Variants in PTPN2 observed in about 807,000 individuals in gnomAD.
PTPN2 encodes the protein tyrosine-protein phosphatase non-receptor type 2.
Under a neutral mutation model 57.3 loss-of-function variants are expected in PTPN2, and 19 were observed. The ratio of observed to expected loss-of-function variants is 0.33; its 90% CI spans 0.23 to 0.49. PTPN2 has a LOEUF of 0.49. PTPN2 is among the 20% of genes least tolerant of loss of function. PTPN2 has a pLI of 0.99. For synonymous variants in PTPN2, 153 were observed against 164.9 expected (o/e 0.93, Z 0.55); for missense variants, 358 against 501.1 (o/e 0.71, Z 2.73).
At chr18:12,801,923 A>G (rs777688401) in intron 8 of PTPN2, 47 bp downstream of exon 8, 1 of 1,490,544 alleles carries the variant, frequency 6.7e-7, no homozygotes, top group Non-Finnish European at 9.0e-7. Context: ...ATTTATTTTT[A>G]AAATAAAAAA....
chr18:12,875,179 T>G (rs28556789), intron 1 of PTPN2, among the ~76,000 whole-genome samples: 58 of 152,292 alleles, frequency 3.8e-4, no homozygotes, highest in African/African-American at 1.4e-3. Flanking sequence ...GCGGAAGGCC[T>G]CAGGGTCCTC....
At chr18:12,856,704 T>C (rs1329205227) in intron 2 of PTPN2, among the ~76,000 whole-genome samples, 1 of 152,186 alleles carries the variant, frequency 6.6e-6, no homozygotes, top group African/African-American at 2.4e-5. Flanking sequence ...ATGTATATAC[T>C]TGAGGATAAC....
chr18:12,834,722 AG>A (rs200763343), intron 3 of PTPN2, among the ~76,000 whole-genome samples: 113 of 143,106 alleles, frequency 7.9e-4, no homozygotes, highest in Middle Eastern at 3.7e-3. Context: ...AGACTGGAGG[AG>A]AAAAAAAAAA....
At chr18:12,818,752 GCTC>G (rs746650655) in intron 5 of PTPN2, among the ~76,000 whole-genome samples, 1 of 151,462 alleles carries the variant, frequency 6.6e-6, no homozygotes, top group African/African-American at 2.4e-5. Context: ...ATAATATCCT[GCTC>G]CCAATAAAAA....
intron 1 of PTPN2, chr18:12,862,482 A>C (rs1185993987): frequency 6.6e-6 from 1 of 152,244 alleles, no homozygotes; most frequent in Non-Finnish European, 1.5e-5. Context: ...TTTCTTACTA[A>C]AGGTAACTGC....
chr18:12,820,976 G>C (rs1384676389), intron 5 of PTPN2, among the ~76,000 whole-genome samples: 1 of 152,124 alleles, frequency 6.6e-6, no homozygotes, highest in Admixed American at 6.5e-5. Flanking sequence ...GAATTGTTAG[G>C]CCACAGCAAT....
At chr18:12,873,052 C>T (rs967777810) in intron 1 of PTPN2, among the ~76,000 whole-genome samples, 2 of 152,148 alleles carry the variant, frequency 1.3e-5, no homozygotes, top group Non-Finnish European at 2.9e-5. Context: ...GAAACCCCAT[C>T]TCTACTAAAA....
intron 1 of PTPN2, among the ~76,000 whole-genome samples, chr18:12,877,898 C>T (rs1220907608): frequency 2.0e-5 from 3 of 152,042 alleles, no homozygotes; most frequent in East Asian, 1.9e-4. Context: ...GTAGTGTTGG[C>T]GGGCGCCTGT....
intron 7 of PTPN2, among the ~76,000 whole-genome samples, chr18:12,803,937 C>G (rs546217896): frequency 4.7e-4 from 71 of 152,188 alleles, no homozygotes; most frequent in Non-Finnish European, 1.8e-4. Flanking sequence ...TTTTTCTCAT[C>G]AGCACATGGA....
chr18:12,883,017 T>A (rs141150113), intron 1 of PTPN2, among the ~76,000 whole-genome samples: 3 of 152,304 alleles, frequency 2.0e-5, no homozygotes, highest in African/African-American at 7.2e-5. Context: ...GGTAGTCTAG[T>A]TGACATAAAA....
intron 7 of PTPN2, among the ~76,000 whole-genome samples, chr18:12,808,178 C>T (rs953406037): frequency 6.6e-6 from 1 of 151,968 alleles, no homozygotes; most frequent in Non-Finnish European, 1.5e-5. Context: ...GAGAATGAGA[C>T]CCTATCTCGA....
At chr18:12,788,432 CTTTTTTTT>C (rs71174142), downstream of PTPN2, among the ~76,000 whole-genome samples, 37 of 90,102 alleles carry the variant, frequency 4.1e-4, 2 homozygotes, top group African/African-American at 1.6e-3. Context: ...GGGATCAGGG[CTTTTTTTT>C]TTTTTTTTTT....
intron 5 of PTPN2, among the ~76,000 whole-genome samples, chr18:12,822,458 G>T (rs940049320): frequency 1.3e-5 from 2 of 152,116 alleles, no homozygotes; most frequent in Non-Finnish European, 2.9e-5. Flanking sequence ...TTAAGCCACA[G>T]GCCACACTGA....
chr18:12,805,566 AT>A (rs977075846), intron 7 of PTPN2, among the ~76,000 whole-genome samples: 66 of 152,276 alleles, frequency 4.3e-4, no homozygotes, highest in African/African-American at 1.5e-3. Flanking sequence ...CCCATAGTTA[AT>A]ATCATACTGA....
rs1346008449 is a variant in PTPN2, at chr18:12,870,295, ATATGTG to A, written c.70-11047_70-11042del. Among the ~76,000 whole-genome samples the A allele has an allele frequency of 1.6e-3, 115 of 72,492 alleles. No homozygotes were observed. In the South Asian group the frequency reaches 0.03, roughly 19 times the overall value. The allele number at this position is 72,492 out of a possible 152,430, so 47.6% of individuals were successfully genotyped here. ...TATGTATATATATACATATACATAT[ATATGTG>A]TATATATACATATATATGTGTATAT... is the stretch of plus-strand genomic sequence containing the variant. On this transcript the variant is annotated intron_variant, in intron 1 of 8. Coordinates refer to ENST00000309660, the MANE Select transcript of PTPN2 (RefSeq NM_002828.4).
In PTPN2 at chr18:12,794,472, G is replaced by A. The variant is rs779158537; in HGVS notation, c.1054C>T (p.Arg352Cys). Residue 352 changes from arginine to cysteine, a missense_variant, in exon 9 of 9, where the codon CGT (arginine) becomes TGT (cysteine). Physicochemically the swap from Arg to Cys is radical, Grantham distance 180. Coordinates refer to ENST00000309660, the MANE Select transcript of PTPN2 (RefSeq NM_002828.4). ...EENSESALRK[R>C]IREDRKATTA... is the part of the protein sequence containing the mutation. The stretch of plus-strand genomic sequence containing the variant: ...GTGGCCTTTCTGTCCTCTCGAATAC[G>A]TTTCCGTAGAGCACTATGAGGAAAT... The A allele has an allele frequency of 1.2e-6, 2 of 1,613,258 alleles. No individual in the cohort carries two copies. The highest frequency in any genetic ancestry group is 1.7e-6 in the Non-Finnish European group (2 of 1,180,006).
At chr18:12,795,527 T>A (rs758307737) in intron 8 of PTPN2, among the ~76,000 whole-genome samples, 1 of 152,178 alleles carries the variant, frequency 6.6e-6, no homozygotes, top group Non-Finnish European at 1.5e-5. Context: ...ACTCCTGATC[T>A]CAAGTGATCC....
At chr18:12,857,202 T>G (rs777667004) in intron 2 of PTPN2, among the ~76,000 whole-genome samples, 3 of 151,662 alleles carry the variant, frequency 2.0e-5, no homozygotes, top group African/African-American at 2.4e-5. Flanking sequence ...GGAAGGAGGA[T>G]CCAAGCAAGG....
intron 7 of PTPN2, among the ~76,000 whole-genome samples, chr18:12,809,764 T>A (rs1283224968): frequency 6.6e-6 from 1 of 152,334 alleles, no homozygotes; most frequent in East Asian, 1.9e-4. Flanking sequence ...TCTTGTGCAA[T>A]ATGGTACTGT....
Sources: gnomAD v4.1 joint callset for allele counts (sites outside exome capture counted in the v4.1 genomes callset) on GRCh38, gnomAD v4.1.1 for gene constraint, MANE v1.5 for transcripts, NCBI Gene and HGNC (gene_info 2026-07-23, HGNC 2026-07-21) for gene names.